The following PRKG1 variants were observed in gnomAD, a reference collection of about 807,000 sequenced individuals.
The protein encoded by PRKG1 is protein kinase cGMP-dependent 1, also known as cGMP-dependent protein kinase 1.
In PRKG1, 35 loss-of-function variants were observed where a neutral mutation model predicts 88.1. The ratio of observed to expected loss-of-function variants is 0.40; its 90% CI spans 0.30 to 0.53. The LOEUF (loss-of-function observed/expected upper bound fraction) is 0.53, where lower values mean the gene tolerates loss of function less well. Ranked by LOEUF, PRKG1 falls within the 20% of genes least tolerant of loss-of-function variation. The pLI, the probability that PRKG1 is intolerant of heterozygous loss-of-function variation, is 0.59. For synonymous variants in PRKG1, 303 were observed against 292.5 expected, an observed-to-expected ratio of 1.04 and a Z score of -0.37; for missense variants, 540 against 839.8, an observed-to-expected ratio of 0.64 and a Z score of 4.41.
chr10:51,415,208 G>A (rs1463839552), intron 2 of PRKG1, among the ~76,000 whole-genome samples: 1 of 152,156 alleles, frequency 6.6e-6, no homozygotes, highest in African/African-American at 2.4e-5. Context: ...TGAATACATA[G>A]TATGTGCCAG....
chr10:52,194,578 C>T (rs1280496069), intron 9 of PRKG1, among the ~76,000 whole-genome samples: 4 of 152,224 alleles, frequency 2.6e-5, no homozygotes, highest in East Asian at 1.9e-4. Context: ...AATGTTTTCT[C>T]GCTAAAGTTT....
At chr10:52,073,393 C>T (rs17641540) in intron 7 of PRKG1, among the ~76,000 whole-genome samples, 5,567 of 152,200 alleles carry the variant, frequency 0.037, 121 homozygotes, top group Middle Eastern at 0.058. Flanking sequence ...CCACTTTTCT[C>T]CTCAAAGGCT....
chr10:51,775,441 C>T (rs961179283), intron 3 of PRKG1, among the ~76,000 whole-genome samples: 4 of 152,070 alleles, frequency 2.6e-5, no homozygotes, highest in Non-Finnish European at 5.9e-5. Flanking sequence ...GGGCTTATGA[C>T]ATGGACATTT....
intron 2 of PRKG1, among the ~76,000 whole-genome samples, chr10:51,443,142 T>G (rs1445606044): frequency 6.6e-6 from 1 of 152,052 alleles, no homozygotes; most frequent in Non-Finnish European, 1.5e-5. Flanking sequence ...TGTGATAGTT[T>G]TAAAGGAATA....
At chr10:51,529,171 C>G (rs1841954880) in intron 3 of PRKG1, among the ~76,000 whole-genome samples, 1 of 152,114 alleles carries the variant, frequency 6.6e-6, no homozygotes, top group Non-Finnish European at 1.5e-5. Flanking sequence ...AATACACCAA[C>G]AAATCCTGTT....
chr10:51,628,821 C>T (rs1049589087), intron 3 of PRKG1, among the ~76,000 whole-genome samples: 5 of 151,450 alleles, frequency 3.3e-5, no homozygotes, highest in Admixed American at 6.6e-5. Context: ...TAGCCGGGCG[C>T]GGTGGCGGGC....
chr10:51,046,109 C>T (rs887170195), intron 1 of PRKG1, among the ~76,000 whole-genome samples: 2 of 152,212 alleles, frequency 1.3e-5, no homozygotes, highest in Non-Finnish European at 2.9e-5. Flanking sequence ...CATTTTTGCA[C>T]AGTAAGAGCA....
chr10:51,763,774 G>C (rs1253714475), intron 3 of PRKG1, among the ~76,000 whole-genome samples: 1 of 152,120 alleles, frequency 6.6e-6, no homozygotes, highest in Non-Finnish European at 1.5e-5. Flanking sequence ...CAGTTCTGGA[G>C]GTTGAGAAGT....
chr10:51,576,933 A>G (rs1004057057), intron 3 of PRKG1, among the ~76,000 whole-genome samples: 41 of 151,968 alleles, frequency 2.7e-4, no homozygotes, highest in African/African-American at 9.7e-4. Flanking sequence ...AGAATCCCAT[A>G]ATATTAGCAA....
Position 51,090,955 on chromosome 10 carries a change from G to A in PRKG1, c.311+16054G>A, listed in dbSNP as rs187259621. Among the ~76,000 whole-genome samples, 311 of 152,274 alleles carry A rather than the reference G, an allele frequency of 2.0e-3. 2 individuals are homozygous for A. Among genetic ancestry groups the A allele is most frequent in the Non-Finnish European group, 3.7e-3 (255 of 68,010 alleles). On this transcript the variant is annotated intron_variant, in intron 1 of 17. Transcript: ENST00000373980. Reference sequence around the variant, plus strand: ...TGTCCAGACCAAGAAGCTATCAGACGTAGAACATAATCTTAGCTTATAAAT... The same window carrying A: ...TGTCCAGACCAAGAAGCTATCAGACATAGAACATAATCTTAGCTTATAAAT...
intron 3 of PRKG1, among the ~76,000 whole-genome samples, chr10:51,649,309 AT>A (rs1477517515): frequency 2.6e-5 from 4 of 152,184 alleles, no homozygotes; most frequent in South Asian, 2.1e-4. Context: ...ATAGTAGTAT[AT>A]TCATTGTTGA....
chr10:52,281,427 A>G (rs747475360), intron 13 of PRKG1, among the ~76,000 whole-genome samples: 6 of 141,132 alleles, frequency 4.3e-5, no homozygotes, highest in Non-Finnish European at 7.6e-5. Flanking sequence ...TTATTTACAA[A>G]TGCACAACTT....
chr10:52,073,444 T>C (rs1846553420), intron 7 of PRKG1, among the ~76,000 whole-genome samples: 1 of 152,200 alleles, frequency 6.6e-6, no homozygotes, highest in South Asian at 2.1e-4. Context: ...TCCCATATCA[T>C]TGCCGCAGTC....
intron 2 of PRKG1, among the ~76,000 whole-genome samples, chr10:51,316,513 C>G (rs1245079311): frequency 6.6e-6 from 1 of 152,042 alleles, no homozygotes; most frequent in East Asian, 1.9e-4. Context: ...AAAACACCAT[C>G]TCTACTAAAA....
At chr10:51,737,706 T>A (rs1403799738) in intron 3 of PRKG1, among the ~76,000 whole-genome samples, 1 of 108,568 alleles carries the variant, frequency 9.2e-6, no homozygotes, top group Admixed American at 9.1e-5. Context: ...ACTCTATATT[T>A]TTATTTATTT....
In PRKG1 at chr10:51,554,326, A is replaced by G. The variant is rs1214397957; in HGVS notation, c.592+86490A>G. Among the ~76,000 whole-genome samples the G allele has an allele frequency of 9.3e-5, 12 of 129,448 alleles. No individual in the cohort carries two copies. The East Asian group carries it at 8.4e-3, about 91-fold the overall frequency. The allele number at this position is 129,448 out of a possible 152,430, so 84.9% of individuals were successfully genotyped here. Reference sequence around the variant, plus strand: ...TATAATATGTACATATATAATATATACACACATATATTATATACACATATA... The same window carrying G: ...TATAATATGTACATATATAATATATGCACACATATATTATATACACATATA... On this transcript the variant is annotated intron_variant, in intron 3 of 17. Transcript: ENST00000373980.
At chr10:51,992,799 T>C (rs1439248098) in intron 5 of PRKG1, among the ~76,000 whole-genome samples, 2 of 152,326 alleles carry the variant, frequency 1.3e-5, no homozygotes, top group African/African-American at 4.8e-5. Flanking sequence ...TCAACTGAAG[T>C]TGAAAATTGT....
chr10:52,172,169 C>T (rs995819512), intron 9 of PRKG1, among the ~76,000 whole-genome samples: 1 of 152,186 alleles, frequency 6.6e-6, no homozygotes, highest in Admixed American at 6.5e-5. Context: ...ATCTTTGAGA[C>T]TCTCTAGGTA....
At chr10:51,888,787 A>T (rs1384208314) in intron 4 of PRKG1, among the ~76,000 whole-genome samples, 1 of 152,198 alleles carries the variant, frequency 6.6e-6, no homozygotes, top group Non-Finnish European at 1.5e-5. Context: ...TCATTTGCAT[A>T]AGGTAGATAA....
Sources: allele counts gnomAD v4.1 joint callset (sites outside exome capture counted in the v4.1 genomes callset), GRCh38; gene constraint gnomAD v4.1.1; transcripts MANE v1.5; gene names NCBI Gene and HGNC (gene_info 2026-07-23, HGNC 2026-07-21).